NBAS: variants seen among roughly 807,000 people sequenced by gnomAD.
NBAS encodes NAG/BC035112 fusion.
Under a neutral mutation model 302.5 loss-of-function variants are expected in NBAS, and 219 were observed. The ratio of observed to expected loss-of-function variants is 0.72; its 90% CI spans 0.65 to 0.81. The LOEUF (loss-of-function observed/expected upper bound fraction) is 0.81. Ranked by LOEUF, NBAS falls within the 30% of genes least tolerant of loss-of-function variation. The probability of loss-of-function intolerance (pLI) is 0.00; values close to 1 mark genes in which losing one functional copy is unlikely to be tolerated. For missense variants in NBAS, 2,932 were observed against 2,841.6 expected (o/e 1.03, Z -0.72); for synonymous variants, 1,118 against 1,021.6 (o/e 1.09, Z -1.80).
chr2:14,878,133 A>G, the NBAS span, among the ~76,000 whole-genome samples: 1 of 152,212 alleles, frequency 6.6e-6, no homozygotes, highest in Non-Finnish European at 1.5e-5. Flanking sequence ...GCTGGCAAGT[A>G]ATGCAACACT....
the NBAS span, among the ~76,000 whole-genome samples, chr2:14,885,348 C>A: frequency 8.5e-5 from 13 of 152,122 alleles, no homozygotes; most frequent in Non-Finnish European, 1.9e-4. Flanking sequence ...AAGGATTACA[C>A]CAACACCTGT....
intron 38 of NBAS, among the ~76,000 whole-genome samples, chr2:15,323,197 C>T (rs904277021): frequency 4.6e-5 from 7 of 152,186 alleles, no homozygotes; most frequent in Non-Finnish European, 8.8e-5. Context: ...AGGATGCAGA[C>T]GCACTAAGAG....
the NBAS span, among the ~76,000 whole-genome samples, chr2:14,988,697 T>G: frequency 6.6e-6 from 1 of 152,342 alleles, no homozygotes; most frequent in African/African-American, 2.4e-5. Context: ...TTTTCTTTCA[T>G]ACTCAGACTA....
At chr2:15,556,700 C>A in intron 3 of NBAS, 83 bp downstream of exon 3, 2 of 1,292,164 alleles carry the variant, frequency 1.5e-6, no homozygotes, top group South Asian at 1.2e-5. Context: ...ATCTAGAATT[C>A]AATTATGAAA....
the NBAS span, among the ~76,000 whole-genome samples, chr2:15,141,404 T>C: frequency 1.3e-5 from 2 of 152,188 alleles, no homozygotes; most frequent in African/African-American, 4.8e-5. Flanking sequence ...ACGACAACAG[T>C]GAGGCTCAGG....
intron 27 of NBAS, among the ~76,000 whole-genome samples, 175 bp from the exon 28 acceptor site, chr2:15,394,524 T>A (rs75304401): frequency 0.014 from 2,060 of 152,170 alleles, 33 homozygotes; most frequent in East Asian, 0.06. Context: ...AATCGAATAA[T>A]TAAACAAATC....
chr2:14,996,424 G>T, the NBAS span, among the ~76,000 whole-genome samples: 1 of 152,148 alleles, frequency 6.6e-6, no homozygotes, highest in African/African-American at 2.4e-5. Flanking sequence ...CCCAGTTTCA[G>T]TCCAGATAGT....
At chr2:15,207,899 C>T (rs899588966) in intron 48 of NBAS, among the ~76,000 whole-genome samples, 6 of 152,078 alleles carry the variant, frequency 3.9e-5, no homozygotes, top group African/African-American at 7.2e-5. Flanking sequence ...GTAACTAACA[C>T]AAAATTGATT....
At chr2:14,868,186 A>T in the NBAS span, among the ~76,000 whole-genome samples, 196 of 152,326 alleles carry the variant, frequency 1.3e-3, no homozygotes, top group Non-Finnish European at 1.5e-3. Flanking sequence ...AAAACTGGAA[A>T]CTAAATCCAG....
At chr2:14,835,393 G>A in the NBAS span, among the ~76,000 whole-genome samples, 2 of 151,934 alleles carry the variant, frequency 1.3e-5, no homozygotes, top group Admixed American at 1.3e-4. Context: ...AATTAAACAT[G>A]TATGTAACTC....
At chr2:15,015,819 A>G in the NBAS span, among the ~76,000 whole-genome samples, 1 of 152,156 alleles carries the variant, frequency 6.6e-6, no homozygotes, top group Non-Finnish European at 1.5e-5. Flanking sequence ...AAGAAAGAGC[A>G]TCCAAATTGG....
the NBAS span, among the ~76,000 whole-genome samples, chr2:15,125,602 T>C: frequency 6.6e-6 from 1 of 152,162 alleles, no homozygotes; most frequent in Non-Finnish European, 1.5e-5. Flanking sequence ...GCTCCGGTGT[T>C]CCCTGGATGT....
chr2:14,809,975 ATGGGGCTTGCAGCCCCTTTGTTT>A, the NBAS span, among the ~76,000 whole-genome samples: 1 of 152,230 alleles, frequency 6.6e-6, no homozygotes. Context: ...TTGGACTTGC[ATGGGGCTTGCAGCCCCTTTGTTT>A]TGGCCAATTT....
At chr2:15,094,098 G>A in the NBAS span, among the ~76,000 whole-genome samples, 69 of 152,196 alleles carry the variant, frequency 4.5e-4, 1 homozygote, top group African/African-American at 1.6e-3. Flanking sequence ...CTGAAGAATC[G>A]GCTTCACATT....
chr2:15,390,642 GA>G (rs1465009629), intron 28 of NBAS, among the ~76,000 whole-genome samples: 1 of 152,100 alleles, frequency 6.6e-6, no homozygotes, highest in African/African-American at 2.4e-5. Flanking sequence ...GTGAGATGAT[GA>G]ATGTTAATTT....
chr2:15,307,479 A>G (rs929740680), intron 40 of NBAS, among the ~76,000 whole-genome samples: 1 of 152,172 alleles, frequency 6.6e-6, no homozygotes, highest in South Asian at 2.1e-4. Flanking sequence ...TAAAATCTGG[A>G]CCTTGGATTT....
the NBAS span, among the ~76,000 whole-genome samples, chr2:15,127,112 G>T: frequency 6.6e-6 from 1 of 152,184 alleles, no homozygotes; most frequent in South Asian, 2.1e-4. Context: ...AGAGGATCCT[G>T]CACTTGGTTT....
intron 28 of NBAS, among the ~76,000 whole-genome samples, chr2:15,389,112 C>A (rs1475933297): frequency 1.3e-5 from 2 of 152,142 alleles, no homozygotes; most frequent in African/African-American, 2.4e-5. Flanking sequence ...CTTAGTTATG[C>A]TGGAAGTGTA....
At position 15,379,646 on chromosome 2, in the gene NBAS, G is replaced by A. The variant is rs1042444171; in HGVS notation, c.3546C>T (p.Phe1182=). The A allele has an allele frequency of 6.2e-7, 1 of 1,613,742 alleles. No homozygotes were observed. Among genetic ancestry groups the A allele is most frequent in the African/African-American group, 1.3e-5 (1 of 74,834 alleles). ...DLVLAASREY[F]NSSTNLTDSC... Reference sequence around the variant, plus strand: ...TATCAGTGAGGTTGGTAGAAGAATTGAAGTACTCTCTGCTGGCAGCCAAAA... The same window carrying A: ...TATCAGTGAGGTTGGTAGAAGAATTAAAGTACTCTCTGCTGGCAGCCAAAA... Residue 1182 remains phenylalanine, a synonymous_variant, in exon 30 of 52, where the codon TTC becomes TTT. Coordinates refer to ENST00000281513, the MANE Select transcript of NBAS (RefSeq NM_015909.4).
Sources: allele counts gnomAD v4.1 joint callset (sites outside exome capture counted in the v4.1 genomes callset), GRCh38; gene constraint gnomAD v4.1.1; transcripts MANE v1.5; gene names NCBI Gene and HGNC (gene_info 2026-07-23, HGNC 2026-07-21).